MBD5: variants seen among roughly 807,000 people sequenced by gnomAD.
MBD5 encodes methyl-CpG-binding domain protein 5.
A neutral mutation model predicts 117.3 loss-of-function variants in MBD5; 13 were observed. The ratio of observed to expected loss-of-function variants is 0.11; its 90% CI spans 0.07 to 0.18. MBD5 has a LOEUF of 0.18. Among genes scored for constraint, MBD5 ranks in the 10% least tolerant of loss-of-function variants. MBD5 has a pLI of 1.00. For synonymous variants in MBD5, 727 were observed against 766.4 expected, an observed-to-expected ratio of 0.95 and a Z score of 0.85; for missense variants, 1,879 against 2,093.8, an observed-to-expected ratio of 0.90 and a Z score of 2.00.
intron 1 of MBD5, among the ~76,000 whole-genome samples, chr2:148,158,723 T>G (rs1025283517): frequency 4.6e-5 from 7 of 152,150 alleles, no homozygotes; most frequent in Admixed American, 6.6e-5. Context: ...TTGTTTGTTT[T>G]ATTTATTTAT....
chr2:148,134,878 C>A (rs564917542), intron 1 of MBD5, among the ~76,000 whole-genome samples: 2 of 152,262 alleles, frequency 1.3e-5, no homozygotes, highest in African/African-American at 4.8e-5. Context: ...GATTTCTATT[C>A]TGATTCATAT....
chr2:148,342,153 T>C (rs1442152364), intron 3 of MBD5, 61 bp from the exon 4 acceptor site: 1 of 152,046 alleles, frequency 6.6e-6, no homozygotes, highest in African/African-American at 2.4e-5. Context: ...AACAATACTG[T>C]TAATGATTTT....
At position 148,253,840 on chromosome 2, in the gene MBD5, G is replaced by A. The variant is rs186666437; in HGVS notation, c.-680+20445G>A. 8.3e-4 allele frequency among the ~76,000 whole-genome samples: 126 copies of A among 152,352 alleles called. 1 individual carries two copies. The highest frequency in any genetic ancestry group is 2.0e-3 in the Admixed American group (30 of 15,300). Reference sequence around the variant, plus strand: ...GGCTCCAAGCCAAGCACGAGCTCATGTGGTTGATCACCTAATGTGACTCAC... The same window carrying A: ...GGCTCCAAGCCAAGCACGAGCTCATATGGTTGATCACCTAATGTGACTCAC... On this transcript the variant is annotated intron_variant, in intron 3 of 13. Coordinates refer to ENST00000642680, the MANE Select transcript of MBD5 (RefSeq NM_001378120.1).
chr2:148,208,863 C>T (rs1699349221), intron 2 of MBD5, among the ~76,000 whole-genome samples: 2 of 151,964 alleles, frequency 1.3e-5, no homozygotes, highest in African/African-American at 4.8e-5. Context: ...GAAATAGTAT[C>T]ATCAAATACC....
intron 3 of MBD5, among the ~76,000 whole-genome samples, chr2:148,328,887 G>A (rs1218030177): frequency 6.6e-6 from 1 of 151,956 alleles, no homozygotes; most frequent in Non-Finnish European, 1.5e-5. Context: ...AAACAACAGG[G>A]CATCTTTAAT....
chr2:148,128,728 TGTGTATGCATGTATTGCCA>T (rs771895085), intron 1 of MBD5, among the ~76,000 whole-genome samples: 2 of 152,202 alleles, frequency 1.3e-5, no homozygotes, highest in African/African-American at 2.4e-5. Flanking sequence ...TGTATGCATG[TGTGTATGCATGTATTGCCA>T]GTGAGCCACT....
At chr2:148,461,194 A>C (rs1707065635) in intron 5 of MBD5, among the ~76,000 whole-genome samples, 1 of 152,148 alleles carries the variant, frequency 6.6e-6, no homozygotes, top group Admixed American at 6.6e-5. Flanking sequence ...CGGCCTCCCA[A>C]AGTGCTGGGT....
At chr2:148,161,551 T>TC (rs1287719365) in intron 1 of MBD5, among the ~76,000 whole-genome samples, 1 of 152,200 alleles carries the variant, frequency 6.6e-6, no homozygotes, top group African/African-American at 2.4e-5. Context: ...ACTTTTTTTT[T>TC]CTTAATAGTA....
chr2:148,416,237 C>G (rs1052068120), intron 4 of MBD5, among the ~76,000 whole-genome samples: 2 of 152,172 alleles, frequency 1.3e-5, no homozygotes, highest in African/African-American at 4.8e-5. Context: ...CAAGGCTCAG[C>G]TCAGCACTCA....
intron 4 of MBD5, among the ~76,000 whole-genome samples, chr2:148,451,334 GCA>G (rs1453205069): frequency 6.6e-6 from 1 of 152,066 alleles, no homozygotes; most frequent in Admixed American, 6.6e-5. Flanking sequence ...CTAGTGTATT[GCA>G]CAGTTTAAAA....
chr2:148,036,388 G>C (rs772470702), intron 1 of MBD5, among the ~76,000 whole-genome samples: 1 of 152,086 alleles, frequency 6.6e-6, no homozygotes, highest in Non-Finnish European at 1.5e-5. Flanking sequence ...CCATTAGTTG[G>C]CAAAGTAAAT....
intron 2 of MBD5, among the ~76,000 whole-genome samples, chr2:148,186,740 C>A (rs1698668455): frequency 6.6e-6 from 1 of 152,064 alleles, no homozygotes; most frequent in African/African-American, 2.4e-5. Context: ...TTTACAAAAC[C>A]TTGATAGTGA....
intron 12 of MBD5, among the ~76,000 whole-genome samples, chr2:148,505,867 C>T (rs1352799180): frequency 6.6e-6 from 1 of 152,118 alleles, no homozygotes; most frequent in African/African-American, 2.4e-5. Flanking sequence ...CTGTTTCTAC[C>T]ACTTCATAGC....
chr2:148,028,516 C>T (rs1202332350), intron 1 of MBD5: 1 of 152,030 alleles, frequency 6.6e-6, no homozygotes, highest in Non-Finnish European at 1.5e-5. Context: ...GTTTTTTATA[C>T]ACCATGAGTC....
chr2:148,035,356 G>C (rs949595618), intron 1 of MBD5, among the ~76,000 whole-genome samples: 1 of 152,034 alleles, frequency 6.6e-6, no homozygotes, highest in African/African-American at 2.4e-5. Context: ...TATGTTATGC[G>C]TTAAAAATTT....
chr2:148,440,260 T>C (rs1706279205), intron 4 of MBD5, among the ~76,000 whole-genome samples: 1 of 152,234 alleles, frequency 6.6e-6, no homozygotes, highest in African/African-American at 2.4e-5. Context: ...GTTATAAAAC[T>C]AGAAAATTGC....
At chr2:148,046,154 T>G (rs1694525768) in intron 1 of MBD5, among the ~76,000 whole-genome samples, 1 of 151,908 alleles carries the variant, frequency 6.6e-6, no homozygotes, top group Non-Finnish European at 1.5e-5. Flanking sequence ...CAGCTAATTT[T>G]TGTATTTTTA....
intron 3 of MBD5, among the ~76,000 whole-genome samples, chr2:148,307,908 T>C (rs559260336): frequency 1.4e-4 from 21 of 152,326 alleles, no homozygotes; most frequent in African/African-American, 5.1e-4. Flanking sequence ...TTTCTGTTCC[T>C]GTGTTACTTT....
chr2:148,363,922 T>G (rs1183700998), intron 4 of MBD5, among the ~76,000 whole-genome samples: 11 of 152,122 alleles, frequency 7.2e-5, no homozygotes, highest in Admixed American at 7.2e-4. Flanking sequence ...AAAACACTCT[T>G]CAGGATATTA....
Sources: allele counts gnomAD v4.1 joint callset (sites outside exome capture counted in the v4.1 genomes callset), GRCh38; gene constraint gnomAD v4.1.1; transcripts MANE v1.5; gene names NCBI Gene and HGNC (gene_info 2026-07-23, HGNC 2026-07-21).